The following TAT variants were observed in gnomAD, a reference collection of about 807,000 sequenced individuals.
TAT encodes tyrosine aminotransferase.
In TAT, 35 loss-of-function variants were observed where a neutral mutation model predicts 53.6. The ratio of observed to expected loss-of-function variants is 0.65; its 90% confidence interval spans 0.50 to 0.87. TAT has a LOEUF of 0.87. TAT is among the 40% of genes least tolerant of loss of function. The pLI is 0.00. For synonymous variants in TAT, 197 were observed against 206.5 expected (o/e 0.95, Z 0.39); for missense variants, 525 against 571.8 (o/e 0.92, Z 0.83).
chr16:71,572,399 C>T, intron 5 of TAT, 75 bp from the exon 6 acceptor site: 1 of 1,606,014 alleles, frequency 6.2e-7, no homozygotes. Flanking sequence ...CTCAAGGGTC[C>T]AATGTAAGCA....
intron 2 of TAT, 68 bp from the exon 3 acceptor site, chr16:71,576,094 C>G: frequency 1.2e-6 from 2 of 1,606,672 alleles, no homozygotes; most frequent in Non-Finnish European, 1.7e-6. Context: ...CTCAGACTCA[C>G]CCCCAACTGC....
chr16:71,568,538 A>AT (rs2044179389), intron 11 of TAT, 173 bp downstream of exon 11: 1 of 714,114 alleles, frequency 1.4e-6, no homozygotes, highest in East Asian at 2.7e-5. Context: ...TGGGATTATG[A>AT]TGGGGGGGAG....
chr16:71,574,733 T>C (rs1043012339), intron 3 of TAT, among the ~76,000 whole-genome samples: 1 of 152,212 alleles, frequency 6.6e-6, no homozygotes, highest in Non-Finnish European at 1.5e-5. Flanking sequence ...TTCCAAATGT[T>C]GGCTTACAAG....
In TAT at chr16:71,570,302, T is replaced by C. The variant is rs377685329; in HGVS notation, c.1008A>G (p.Gly336=). Residue 336 remains glycine (G), a synonymous_variant, in exon 9 of 12, where the codon GGA becomes GGG. Transcript: ENST00000355962. The stretch of plus-strand genomic sequence containing the variant: ...AGCTCAGAGTGTTGTGGTAAAACTC[T>C]CCCGGGGTGCGACATAGGATGCTTT... ...ALKSILCRTP[G]EFYHNTLSFL... 1.2e-5 allele frequency: 20 copies of C among 1,613,992 alleles called. No individual in the cohort carries two copies. Among genetic ancestry groups the C allele is most frequent in the Middle Eastern group, 3.3e-4 (2 of 6,082 alleles).
At chr16:71,572,384 C>G in intron 5 of TAT, 60 bp from the exon 6 acceptor site, 1 of 1,611,552 alleles carries the variant, frequency 6.2e-7, no homozygotes, top group Non-Finnish European at 8.5e-7. Flanking sequence ...GGAATCCTCA[C>G]TTATCTCAAG....
chr16:71,570,400 A>G lies in TAT; in HGVS notation c.913-3T>C. 3 of 1,614,190 alleles carry G rather than the reference A, an allele frequency of 1.9e-6. No individual in the cohort carries two copies. On this transcript the variant is annotated splice_polypyrimidine_tract_variant and splice_region_variant and intron_variant, in intron 8 of 11. Transcript: ENST00000355962. ...AGCTTCACCAGCCCATCTCGGATCT[A>G]AAAGACACCCACAAGAAACATGTTG...
At position 71,567,038 on chromosome 16, in the gene TAT, C is replaced by G. The variant is rs938138186; in HGVS notation, c.*1106G>C. 1.3e-5 allele frequency: 2 copies of G among 152,188 alleles called. No homozygotes were observed. Among genetic ancestry groups the G allele is most frequent in the Non-Finnish European group, 2.9e-5 (2 of 68,038 alleles). 9.4% of individuals were successfully genotyped at this position (152,188 alleles called of 1,614,324 possible). ...ATAACAATGACAAGTGAAGATATTT[C>G]TGGCCCTTACACAGTAGTATTTCTG... On this transcript the variant is annotated 3_prime_UTR_variant, in exon 12 of 12. Coordinates refer to ENST00000355962, the MANE Select transcript of TAT (RefSeq NM_000353.3).
In TAT at chr16:71,565,701, G is replaced by GCACACA. The variant is rs59287517; in HGVS notation, c.*2437_*2442dup. 0.02 allele frequency: 2,946 copies of GCACACA among 149,016 alleles called. 42 individuals carry two copies. Among genetic ancestry groups the GCACACA allele is most frequent in the East Asian group, 0.048 (244 of 5,082 alleles). The allele number at this position is 149,016 out of a possible 1,614,324, so 9.2% of individuals were successfully genotyped here. On this transcript the variant is annotated 3_prime_UTR_variant, in exon 12 of 12. Coordinates refer to ENST00000355962, the MANE Select transcript of TAT (RefSeq NM_000353.3). ...TACTTTATTTGAAAAAATGAAAAGTGCACACACACACACACACACACACAC... is the reference window on the plus strand; with the variant it reads ...TACTTTATTTGAAAAAATGAAAAGTGCACACACACACACACACACACACACACACAC...
At chr16:71,574,543 T>C (rs2044224010) in intron 3 of TAT, among the ~76,000 whole-genome samples, 1 of 133,772 alleles carries the variant, frequency 7.5e-6, no homozygotes, top group Non-Finnish European at 1.5e-5. Flanking sequence ...ATCATGCCAC[T>C]GCACTCCGCC....
Position 71,567,780 on chromosome 16 carries a change from C to G in TAT, c.*364G>C, listed in dbSNP as rs1373082425. 1 of 322,042 alleles carries G rather than the reference C, an allele frequency of 3.1e-6. No homozygotes were observed. Among genetic ancestry groups the G allele is most frequent in the African/African-American group, 2.2e-5 (1 of 46,482 alleles). The allele number at this position is 322,042 out of a possible 1,614,324, so 19.9% of individuals were successfully genotyped here. A position where few individuals can be genotyped will look rare whatever the true frequency, so the allele number is the denominator to read the frequency against. On this transcript the variant is annotated 3_prime_UTR_variant, in exon 12 of 12. Transcript: ENST00000355962. ...GAGGAAATGGTTGGGGGCACAAATT[C>G]TCTCAATCTTTTTCTTTTCCCTCAT...
chr16:71,575,326 A>G (rs1352976187), intron 3 of TAT: 1 of 154,672 alleles, frequency 6.5e-6, no homozygotes, highest in Non-Finnish European at 1.4e-5. Context: ...GAAATTTTTA[A>G]TAGATGGAGA....
At chr16:71,575,077 C>G (rs550457041) in intron 3 of TAT, 1 of 152,110 alleles carries the variant, frequency 6.6e-6, no homozygotes, top group Admixed American at 6.6e-5. Flanking sequence ...TTTATAACAA[C>G]TTTTGGTCTT....
intron 3 of TAT, 72 bp from the exon 4 acceptor site, chr16:71,573,678 T>TG (rs1309048938): frequency 7.5e-7 from 1 of 1,333,972 alleles, no homozygotes; most frequent in East Asian, 2.5e-5. Context: ...CACCCGGACT[T>TG]GGAGTGCAGT....
Position 71,570,751 on chromosome 16 carries a change from C to T in TAT, c.840G>A (p.Lys280=), listed in dbSNP as rs747797659. 3.7e-6 allele frequency: 6 copies of T among 1,614,108 alleles called. No homozygotes were observed. The Admixed American group carries it at 1.0e-4, about 27-fold the overall frequency. The change falls in exon 8 of 12, where the codon AAG becomes AAA. Residue 280 remains lysine, a synonymous_variant. Coordinates refer to ENST00000355962, the MANE Select transcript of TAT (RefSeq NM_000353.3). The stretch of plus-strand genomic sequence containing the variant: ...ACCTCCAGCCAGGAACCAGCCAGCG[C>T]TTGGCCAGCCCTCCACAGGACAGGA... The part of the protein sequence containing the change: ...VPILSCGGLA[K]RWLVPGWRLG...
chr16:71,573,931 T>G (rs2044220228), intron 3 of TAT, among the ~76,000 whole-genome samples: 1 of 152,142 alleles, frequency 6.6e-6, no homozygotes, highest in Non-Finnish European at 1.5e-5. Flanking sequence ...TCCTCCCACC[T>G]CAGCCTCCTG....
At chr16:71,572,130 C>A (rs965414239) in intron 6 of TAT, 56 bp downstream of exon 6, 7 of 1,612,658 alleles carry the variant, frequency 4.3e-6, no homozygotes, top group Non-Finnish European at 5.9e-6. Flanking sequence ...TCATTTCACA[C>A]AACAGCTGAA....
Position 71,575,936 on chromosome 16 carries a change from T to A in TAT, c.326A>T (p.Tyr109Phe). The part of the protein sequence containing the change: ...DALDSGKYNG[Y>F]APSIGFLSSR... ...GAGGAGCTTACCGATGGATGGGGCA[T>A]AGCCATTATATTTGCCCGAGTCCAG... The change falls in exon 3 of 12, where the codon TAT becomes TTT. Residue 109 changes from tyrosine (Y) to phenylalanine (F), a missense_variant. Transcript: ENST00000355962. 6.2e-7 allele frequency: 1 copy of A among 1,614,196 alleles called. No individual in the cohort carries two copies. Among genetic ancestry groups the A allele is most frequent in the Non-Finnish European group, 8.5e-7 (1 of 1,180,008 alleles).
chr16:71,572,656 A>G lies in TAT; in HGVS notation c.441T>C (p.Ala147=), dbSNP rs1033713332. Residue 147 remains alanine, a synonymous_variant, in exon 5 of 12, where the codon GCT becomes GCC. Coordinates refer to ENST00000355962, the MANE Select transcript of TAT (RefSeq NM_000353.3). ...DVILTSGCSQ[A]IDLCLAVLAN... is the part of the protein sequence containing the mutation. ...CCAACACAGCTAAACAAAGGTCAAT[A>G]GCTTGGCTGCAGCCACTTGTCAGAA... The G allele has an allele frequency of 6.2e-7, 1 of 1,614,248 alleles. No individual in the cohort carries two copies. Among genetic ancestry groups the G allele is most frequent in the Middle Eastern group, 1.6e-4 (1 of 6,062 alleles).
In TAT at chr16:71,574,183, C is replaced by T. The variant is rs183188747; in HGVS notation, c.341-577G>A. 1.2e-4 allele frequency among the ~76,000 whole-genome samples: 19 copies of T among 152,330 alleles called. No individual in the cohort carries two copies. In the East Asian group the frequency reaches 3.5e-3, roughly 28 times the overall value. ...GTATAAATGATAACAAGGAAGAGCT[C>T]CCCAAATACTCTGCACCATCTTGAT... On this transcript the variant is annotated intron_variant, in intron 3 of 11. Coordinates refer to ENST00000355962, the MANE Select transcript of TAT (RefSeq NM_000353.3).
Sources: allele counts gnomAD v4.1 joint callset (sites outside exome capture counted in the v4.1 genomes callset), GRCh38; gene constraint gnomAD v4.1.1; transcripts MANE v1.5; gene names NCBI Gene and HGNC (gene_info 2026-07-23, HGNC 2026-07-21).